ARHGEF28: variants seen among roughly 807,000 people sequenced by gnomAD.
The protein encoded by ARHGEF28 is 190 kDa guanine nucleotide exchange factor.
Under a neutral mutation model 206.6 loss-of-function variants are expected in ARHGEF28, and 152 were observed. The observed-to-expected ratio is 0.74, with a 90% CI of 0.64 to 0.84. The LOEUF is 0.84. Among genes scored for constraint, ARHGEF28 ranks in the 40% least tolerant of loss-of-function variants. The pLI is 0.00. For synonymous variants in ARHGEF28, 763 were observed against 776.4 expected (o/e 0.98, Z 0.29); for missense variants, 2,028 against 2,073.2 (o/e 0.98, Z 0.42).
At chr5:73,904,771 C>T in intron 33 of ARHGEF28, 2 of 240,290 alleles carry the variant, frequency 8.3e-6, no homozygotes, top group Non-Finnish European at 1.6e-5. Flanking sequence ...ATGTGGCCAT[C>T]AGCCTTTAGA....
At chr5:73,799,911 T>C (rs1486859) in intron 9 of ARHGEF28, among the ~76,000 whole-genome samples, 13,176 of 152,104 alleles carry the variant, frequency 0.087, 1,088 homozygotes, top group East Asian at 0.23. Flanking sequence ...CGCTGCCTCA[T>C]CTACTCTTCC....
chr5:73,819,950 C>T (rs1390795547), intron 9 of ARHGEF28, among the ~76,000 whole-genome samples: 1 of 152,142 alleles, frequency 6.6e-6, no homozygotes, highest in African/African-American at 2.4e-5. Context: ...GCCTTGCGTA[C>T]GTTTTTAGGA....
intron 33 of ARHGEF28, among the ~76,000 whole-genome samples, chr5:73,907,695 G>A (rs956747201): frequency 1.3e-5 from 2 of 152,180 alleles, no homozygotes; most frequent in African/African-American, 4.8e-5. Flanking sequence ...AGCAAGTGCT[G>A]TTCTCTGTCC....
At chr5:73,902,742 A>C (rs1285381615) in intron 31 of ARHGEF28, 2 of 152,224 alleles carry the variant, frequency 1.3e-5, no homozygotes, top group Non-Finnish European at 2.9e-5. Flanking sequence ...CATTTACCAC[A>C]AGGTGGCAGA....
chr5:73,630,284 C>T (rs1460333678), intron 1 of ARHGEF28, among the ~76,000 whole-genome samples: 1 of 152,144 alleles, frequency 6.6e-6, no homozygotes, highest in Non-Finnish European at 1.5e-5. Context: ...TTTTATAATT[C>T]AAGAAATTAT....
chr5:73,924,119 A>C (rs1348536027), intron 35 of ARHGEF28, among the ~76,000 whole-genome samples: 1 of 152,326 alleles, frequency 6.6e-6, no homozygotes, highest in East Asian at 1.9e-4. Context: ...GTTTCGGTAA[A>C]TGTTGACTGA....
intron 9 of ARHGEF28, chr5:73,813,710 A>T: frequency 6.6e-7 from 1 of 1,518,840 alleles, no homozygotes; most frequent in Non-Finnish European, 8.8e-7. Flanking sequence ...TCACGGGCAA[A>T]ACCAGACATC....
intron 34 of ARHGEF28, 110 bp downstream of exon 34, chr5:73,910,007 C>T (rs1160629783): frequency 7.3e-7 from 1 of 1,369,256 alleles, no homozygotes; most frequent in South Asian, 1.9e-5. Flanking sequence ...TGTAAGAAGA[C>T]CTCATGAGGA....
At chr5:73,852,535 T>C (rs960103806) in intron 13 of ARHGEF28, 115 bp from the exon 14 acceptor site, 1 of 876,686 alleles carries the variant, frequency 1.1e-6, no homozygotes. Context: ...TTCTCATTAT[T>C]TTCTAGCTGG....
intron 2 of ARHGEF28, among the ~76,000 whole-genome samples, chr5:73,724,862 C>T (rs1372468417): frequency 6.6e-6 from 1 of 152,188 alleles, no homozygotes; most frequent in Admixed American, 6.5e-5. Context: ...ACCATCCATA[C>T]ACAGATTTCA....
rs1218516019 is a variant in ARHGEF28, at chr5:73,752,904, T to C, written c.182-5T>C. ...GGGTGAACTGTTCACTGTCTTGTTG[T>C]CCAGGCCATGGGCTTCAGGAGACGG... is the stretch of plus-strand genomic sequence containing the variant. On this transcript the variant is annotated splice_polypyrimidine_tract_variant and splice_region_variant and intron_variant, in intron 3 of 35. Transcript: ENST00000513042. 6.2e-7 allele frequency: 1 copy of C among 1,613,708 alleles called. No homozygotes were observed. The highest frequency in any genetic ancestry group is 1.1e-5 in the South Asian group (1 of 90,942).
intron 35 of ARHGEF28, among the ~76,000 whole-genome samples, chr5:73,935,719 G>A (rs1764381491): frequency 6.6e-6 from 1 of 152,124 alleles, no homozygotes; most frequent in South Asian, 2.1e-4. Flanking sequence ...TTTAAGTAGA[G>A]TTATTCTAGG....
At chr5:73,883,936 A>G (rs1761108743) in intron 24 of ARHGEF28, 52 bp downstream of exon 24, 1 of 1,162,608 alleles carries the variant, frequency 8.6e-7, no homozygotes, top group Middle Eastern at 2.0e-4. Flanking sequence ...AGTTTTAAAC[A>G]CAGTTGAGGT....
At chr5:73,651,573 C>T (rs186730605) in intron 1 of ARHGEF28, among the ~76,000 whole-genome samples, 1 of 152,180 alleles carries the variant, frequency 6.6e-6, no homozygotes, top group Non-Finnish European at 1.5e-5. Context: ...AGAAAACCTG[C>T]AGTCAATGAC....
chr5:73,826,031 G>A (rs1343379027), intron 9 of ARHGEF28, among the ~76,000 whole-genome samples: 5 of 152,090 alleles, frequency 3.3e-5, no homozygotes, highest in Non-Finnish European at 5.9e-5. Context: ...CCCTAAAGTA[G>A]TACAACCTGC....
At position 73,835,731 on chromosome 5, in the gene ARHGEF28, G is replaced by A. The variant is rs1561442049; in HGVS notation, c.1146+3272G>A. ...TTGATTGAACCTGAGGAGGGGCTGT[G>A]GGAACCCCATTTTATAGCTGGTTGA... On this transcript the variant is annotated intron_variant, in intron 10 of 35. Coordinates refer to ENST00000513042, the MANE Select transcript of ARHGEF28 (RefSeq NM_001177693.2). Among the ~76,000 whole-genome samples, 3 of 152,146 alleles carry A rather than the reference G, an allele frequency of 2.0e-5. No individual in the cohort carries two copies. In the East Asian group the frequency reaches 5.8e-4, roughly 29 times the overall value.
At chr5:73,636,038 A>G (rs1402970611) in intron 1 of ARHGEF28, among the ~76,000 whole-genome samples, 4 of 152,224 alleles carry the variant, frequency 2.6e-5, no homozygotes, top group Non-Finnish European at 4.4e-5. Flanking sequence ...CTCACTGACA[A>G]TAAAACAGTA....
intron 28 of ARHGEF28, among the ~76,000 whole-genome samples, chr5:73,893,760 C>T (rs1761791288): frequency 6.6e-6 from 1 of 152,194 alleles, no homozygotes; most frequent in South Asian, 2.1e-4. Context: ...GCCTCACCCT[C>T]CACCGATTGA....
intron 32 of ARHGEF28, 32 bp downstream of exon 32, chr5:73,904,292 C>G: frequency 6.2e-7 from 1 of 1,613,298 alleles, no homozygotes. Context: ...AAATGTATCA[C>G]CAGCCTTTAT....
Sources: allele counts gnomAD v4.1 joint callset (sites outside exome capture counted in the v4.1 genomes callset), GRCh38; gene constraint gnomAD v4.1.1; transcripts MANE v1.5; gene names NCBI Gene and HGNC (gene_info 2026-07-23, HGNC 2026-07-21).